Variants in MKX observed in about 807,000 individuals in gnomAD.
MKX encodes the protein mohawk homeobox.
A neutral mutation model predicts 36.0 loss-of-function variants in MKX; 13 were observed. The ratio of observed to expected loss-of-function variants is 0.36; its 90% CI spans 0.24 to 0.57. The LOEUF is 0.57. Among genes scored for constraint, MKX ranks in the 20% least tolerant of loss-of-function variants. MKX has a pLI of 0.79. For synonymous variants in MKX, 176 were observed against 178.3 expected (o/e 0.99, Z 0.10); for missense variants, 458 against 456.4 (o/e 1.00, Z -0.03).
chr10:27,675,240 G>T lies in MKX; in HGVS notation c.1048C>A (p.Gln350Lys). The change falls in exon 7 of 7, where the codon CAG (glutamine) becomes AAG (lysine). Residue 350 changes from glutamine (Q) to lysine (K), a missense_variant. By Grantham distance (53) the Gln-to-Lys change is moderately conservative. Coordinates refer to ENST00000419761, the MANE Select transcript of MKX (RefSeq NM_173576.3). ...AAAGCAACAAGCTCTTAAAACTGCTGCACCAGCGGCACTTTGACAGTCTTT... is the reference window on the plus strand; with the variant it reads ...AAAGCAACAAGCTCTTAAAACTGCTTCACCAGCGGCACTTTGACAGTCTTT... The part of the protein sequence containing the change: ...EVKTVKVPLV[Q>K]QF 1 of 1,613,666 alleles carries T rather than the reference G, an allele frequency of 6.2e-7. No homozygotes were observed. Among genetic ancestry groups the T allele is most frequent in the Non-Finnish European group, 8.5e-7 (1 of 1,179,836 alleles).
At chr10:27,743,527 A>C in intron 1 of MKX, 30 bp from the exon 2 acceptor site, 1 of 1,185,596 alleles carries the variant, frequency 8.4e-7, no homozygotes, top group Non-Finnish European at 1.1e-6. Context: ...CTCGTTACTT[A>C]CTGGCTGAGA....
intron 5 of MKX, among the ~76,000 whole-genome samples, chr10:27,690,270 C>T (rs2132508168): frequency 8.4e-6 from 1 of 118,554 alleles, no homozygotes; most frequent in Non-Finnish European, 1.8e-5. Flanking sequence ...ACTCAGGAGG[C>T]TGAGGCCAGA....
At chr10:27,695,633 G>A (rs1470540628) in intron 5 of MKX, among the ~76,000 whole-genome samples, 1 of 152,076 alleles carries the variant, frequency 6.6e-6, no homozygotes, top group African/African-American at 2.4e-5. Context: ...AAAGGAGCAA[G>A]GAATCTATAT....
At chr10:27,721,698 G>T (rs1834383799) in intron 5 of MKX, among the ~76,000 whole-genome samples, 1 of 152,124 alleles carries the variant, frequency 6.6e-6, no homozygotes, top group African/African-American at 2.4e-5. Context: ...TAGGTGAGGG[G>T]TTGACAGGTG....
chr10:27,711,336 C>T (rs1179027203), intron 5 of MKX, among the ~76,000 whole-genome samples: 1 of 152,066 alleles, frequency 6.6e-6, no homozygotes, highest in Non-Finnish European at 1.5e-5. Flanking sequence ...TCTTAAAATG[C>T]TATTTTATGT....
intron 5 of MKX, among the ~76,000 whole-genome samples, chr10:27,709,427 G>A (rs1336970002): frequency 6.6e-6 from 1 of 152,202 alleles, no homozygotes; most frequent in Non-Finnish European, 1.5e-5. Flanking sequence ...AGTAGGGTAA[G>A]TTCCTGGAAC....
chr10:27,728,217 A>G (rs1294319502), intron 5 of MKX, among the ~76,000 whole-genome samples: 1 of 152,224 alleles, frequency 6.6e-6, no homozygotes, highest in African/African-American at 2.4e-5. Context: ...AAATAAGAAA[A>G]TAAGTATCCG....
intron 5 of MKX, among the ~76,000 whole-genome samples, chr10:27,708,067 T>C (rs1836787788): frequency 6.6e-6 from 1 of 152,232 alleles, no homozygotes; most frequent in Non-Finnish European, 1.5e-5. Context: ...TTCTACATTT[T>C]GTTCTTAAAG....
chr10:27,724,347 A>G (rs893363998), intron 5 of MKX, among the ~76,000 whole-genome samples: 3 of 152,140 alleles, frequency 2.0e-5, no homozygotes, highest in African/African-American at 7.2e-5. Context: ...AAAAGTGCTT[A>G]AGAGAATCAT....
intron 5 of MKX, among the ~76,000 whole-genome samples, chr10:27,711,499 T>TTCCTTCCTTCCTTCCTTCCTTCC (rs1554772225): frequency 2.0e-4 from 19 of 93,060 alleles, no homozygotes; most frequent in South Asian, 4.5e-4. Context: ...CTCTCTCTTC[T>TTCCTTCCTTCCTTCCTTCCTTCC]TTCCTTCCTT....
At chr10:27,686,229 A>C (rs2815557) in intron 5 of MKX, among the ~76,000 whole-genome samples, 137,792 of 151,910 alleles carry the variant, frequency 0.91, 62,868 homozygotes, top group East Asian at 0.98. Context: ...AACCCACCCC[A>C]TCTTCATGGA....
intron 3 of MKX, among the ~76,000 whole-genome samples, chr10:27,740,410 A>C (rs1481102807): frequency 1.3e-5 from 2 of 152,168 alleles, no homozygotes; most frequent in Non-Finnish European, 2.9e-5. Flanking sequence ...AAGCCACCGT[A>C]TTTATTTTAA....
At chr10:27,724,812 A>G (rs991381575) in intron 5 of MKX, among the ~76,000 whole-genome samples, 2 of 150,570 alleles carry the variant, frequency 1.3e-5, no homozygotes, top group African/African-American at 2.5e-5. Context: ...ACCTTTGGCC[A>G]CCAGTATTAA....
rs374882715 is a variant in MKX at position 27,742,617 on chromosome 10, G to GCC, written c.188+609_188+610dup. 6.7e-6 allele frequency among the ~76,000 whole-genome samples: 1 copy of GCC among 149,438 alleles called. No homozygotes were observed. Among genetic ancestry groups the GCC allele is most frequent in the Non-Finnish European group, 1.5e-5 (1 of 67,130 alleles). On this transcript the variant is annotated intron_variant, in intron 2 of 6. Transcript: ENST00000419761. This position sits in a 1 kb window ranked among gnomAD's most constrained non-coding sequence, Gnocchi z 4.2. ...GCAGCTGGCCCACCCGCAAGCTACCGCCCCCCCCAGCATACCCCTCACCCC... is the reference window on the plus strand; with the variant it reads ...GCAGCTGGCCCACCCGCAAGCTACCGCCCCCCCCCCAGCATACCCCTCACCCC...
intron 5 of MKX, among the ~76,000 whole-genome samples, chr10:27,676,058 C>T (rs1214527694): frequency 6.6e-6 from 1 of 152,122 alleles, no homozygotes; most frequent in Non-Finnish European, 1.5e-5. Flanking sequence ...TTGCTTGAGC[C>T]TAGGAATTCG....
chr10:27,733,461 TAGG>T (rs1409434660), intron 5 of MKX, among the ~76,000 whole-genome samples: 1 of 152,150 alleles, frequency 6.6e-6, no homozygotes, highest in African/African-American at 2.4e-5. Flanking sequence ...TTGGTAGTAG[TAGG>T]GATAATAATA....
chr10:27,683,827 G>A (rs1166237093), intron 5 of MKX, among the ~76,000 whole-genome samples: 1 of 152,190 alleles, frequency 6.6e-6, no homozygotes, highest in Non-Finnish European at 1.5e-5. Flanking sequence ...TGAAGATTCT[G>A]AAATACCAAT....
intron 5 of MKX, among the ~76,000 whole-genome samples, chr10:27,730,961 C>T (rs1238591919): frequency 4.0e-5 from 6 of 151,238 alleles, no homozygotes; most frequent in East Asian, 2.0e-4. Context: ...GGTGAAACCC[C>T]GTCTCTACTA....
In MKX at chr10:27,675,313, C is replaced by T. The variant is rs1295738333; in HGVS notation, c.975G>A (p.Gln325=). ...TNLAQGKDKL[Q]GTTSCIIQKS... The stretch of plus-strand genomic sequence containing the variant: ...TCTGGATGATGCAGCTGGTAGTTCC[C>T]TGCAGTTTGTCCTTTCCCTGTGCAA... The change falls in exon 7 of 7, where the codon CAG becomes CAA. Residue 325 remains glutamine (Q), a synonymous_variant. Transcript: ENST00000419761. The T allele has an allele frequency of 6.2e-7, 1 of 1,614,220 alleles. No individual in the cohort carries two copies. The highest frequency in any genetic ancestry group is 1.7e-5 in the Admixed American group (1 of 60,028).
Sources: gnomAD v4.1 joint callset for allele counts (sites outside exome capture counted in the v4.1 genomes callset) on GRCh38, gnomAD v4.1.1 for gene constraint, Gnocchi (gnomAD v3.1) non-coding constraint, MANE v1.5 for transcripts, NCBI Gene and HGNC (gene_info 2026-07-23, HGNC 2026-07-21) for gene names.